The following AGBL4 variants were observed in gnomAD, a reference collection of about 807,000 sequenced individuals.
AGBL4 encodes the protein cytosolic carboxypeptidase 6.
In AGBL4, 58 loss-of-function variants were observed where a neutral mutation model predicts 66.4. The ratio of observed to expected loss-of-function variants is 0.87; its 90% confidence interval spans 0.71 to 1.09. AGBL4 has a LOEUF of 1.09. Ranked by LOEUF, AGBL4 falls within the 50% of genes least tolerant of loss-of-function variation. The pLI, the probability that AGBL4 is intolerant of heterozygous loss-of-function variation, is 0.00. For missense variants in AGBL4, 579 were observed against 631.0 expected (o/e 0.92, Z 0.88); for synonymous variants, 234 against 222.9 (o/e 1.05, Z -0.44).
At chr1:49,655,644 T>A (rs1051061092) in intron 3 of AGBL4, among the ~76,000 whole-genome samples, 55 of 152,000 alleles carry the variant, frequency 3.6e-4, no homozygotes, top group African/African-American at 1.2e-3. Flanking sequence ...ATTAAAAGAA[T>A]TAGAAAAGCA....
chr1:48,777,007 G>A (rs1036514544), intron 6 of AGBL4: 7 of 321,626 alleles, frequency 2.2e-5, no homozygotes. Context: ...TCTGCCAATC[G>A]GCTGCTTTCG....
intron 3 of AGBL4, among the ~76,000 whole-genome samples, chr1:49,603,929 TACACACACACACACACACAC>T (rs60862640): frequency 1.4e-4 from 20 of 140,630 alleles, no homozygotes; most frequent in Admixed American, 3.6e-4. Context: ...TTCCATGGTA[TACACACACACACACACACAC>T]ACACACACAC....
At chr1:48,669,407 G>C (rs976858976) in intron 6 of AGBL4, among the ~76,000 whole-genome samples, 4 of 152,114 alleles carry the variant, frequency 2.6e-5, no homozygotes, top group Non-Finnish European at 2.9e-5. Flanking sequence ...GTGCATTGTA[G>C]GATGCCCAGC....
At chr1:49,764,198 G>C (rs1652559969) in intron 2 of AGBL4, among the ~76,000 whole-genome samples, 2 of 152,066 alleles carry the variant, frequency 1.3e-5, no homozygotes. Context: ...GACAAGGCTG[G>C]GCACCTTTAC....
At chr1:49,763,004 ATTATAG>A (rs1001024706) in intron 2 of AGBL4, among the ~76,000 whole-genome samples, 13 of 152,270 alleles carry the variant, frequency 8.5e-5, no homozygotes, top group Admixed American at 7.8e-4. Context: ...GTACTTTCAT[ATTATAG>A]TTTCAAGTTT....
At chr1:49,823,388 C>T (rs1323803010) in intron 2 of AGBL4, among the ~76,000 whole-genome samples, 1 of 152,168 alleles carries the variant, frequency 6.6e-6, no homozygotes, top group African/African-American at 2.4e-5. Flanking sequence ...ATGGGCCCAA[C>T]TGAGCTGGTA....
At position 49,530,269 on chromosome 1, in the gene AGBL4, AAAAC is replaced by A. The variant is rs919078202; in HGVS notation, c.282+167040_282+167043del. On this transcript the variant is annotated intron_variant, in intron 3 of 13. Coordinates refer to ENST00000371839, the MANE Select transcript of AGBL4 (RefSeq NM_032785.4). ...TTCAAGTAGAATTTGTAAAAAAAAA[AAAAC>A]AAAAAAAAACTCTATGAGTTTTTTT... Among the ~76,000 whole-genome samples the A allele has an allele frequency of 1.7e-4, 25 of 143,022 alleles. 5 individuals are homozygous for A. The highest frequency in any genetic ancestry group is 4.0e-4 in the African/African-American group (15 of 37,770). 93.8% of individuals were successfully genotyped at this position (143,022 alleles called of 152,430 possible).
In AGBL4 at chr1:49,134,287, T is replaced by G. The variant is rs1645960703; in HGVS notation, c.378-88487A>C. Among the ~76,000 whole-genome samples the G allele has an allele frequency of 2.0e-5, 3 of 152,118 alleles. No homozygotes were observed. In the South Asian group the frequency reaches 6.2e-4, roughly 32 times the overall value. ...TTACTAATGAAGTTCCATGTACCAC[T>G]GTGCACACATTGTCATTGATAAACA... On this transcript the variant is annotated intron_variant, in intron 4 of 13. Transcript: ENST00000371839.
intron 2 of AGBL4, among the ~76,000 whole-genome samples, chr1:49,727,370 T>C (rs1217260670): frequency 6.6e-6 from 1 of 152,058 alleles, no homozygotes; most frequent in African/African-American, 2.4e-5. Flanking sequence ...TGCATAACAA[T>C]AGCAATTAAT....
chr1:49,397,465 C>T (rs1310449093), intron 3 of AGBL4, among the ~76,000 whole-genome samples: 1 of 152,126 alleles, frequency 6.6e-6, no homozygotes, highest in South Asian at 2.1e-4. Context: ...AGTCAGACCC[C>T]TATAACTTGC....
intron 6 of AGBL4, among the ~76,000 whole-genome samples, chr1:48,815,156 T>G (rs1200656291): frequency 6.6e-6 from 1 of 152,210 alleles, no homozygotes. Context: ...TTAATGACAT[T>G]CAGCATTTTC....
chr1:48,872,590 A>G (rs1285017925), intron 5 of AGBL4, among the ~76,000 whole-genome samples: 3 of 152,162 alleles, frequency 2.0e-5, no homozygotes, highest in Non-Finnish European at 2.9e-5. Context: ...TATTCAACTT[A>G]GAAGATACTC....
At chr1:49,101,872 G>A (rs779023125) in intron 4 of AGBL4, among the ~76,000 whole-genome samples, 17 of 152,116 alleles carry the variant, frequency 1.1e-4, no homozygotes, top group African/African-American at 3.1e-4. Flanking sequence ...ATGTTCCCCC[G>A]TGAGAGGACA....
At chr1:49,836,079 T>C (rs1487710802) in intron 2 of AGBL4, among the ~76,000 whole-genome samples, 4 of 152,040 alleles carry the variant, frequency 2.6e-5, no homozygotes, top group Non-Finnish European at 5.9e-5. Context: ...TCTCGAGGGG[T>C]ATCTTTGTGG....
rs1557923206 is a variant in AGBL4, at chr1:48,736,399, T to C, written c.635-73158A>G. ...TGTACTTGGAATCTCCTTGGGTTAC[T>C]TGTAGCTGGTGCCATTTCTCCTCAT... On this transcript the variant is annotated intron_variant, in intron 6 of 13. Transcript: ENST00000371839. The surrounding 1 kb of genome is among the most constrained non-coding windows in gnomAD (Gnocchi z 4.0). 9 of 1,614,196 alleles carry C rather than the reference T, an allele frequency of 5.6e-6. No homozygotes were observed. The highest frequency in any genetic ancestry group is 7.6e-6 in the Non-Finnish European group (9 of 1,180,042).
In AGBL4 at chr1:49,283,713, G is replaced by A. The variant is rs544476070; in HGVS notation, c.283-37849C>T. 1.5e-4 allele frequency among the ~76,000 whole-genome samples: 23 copies of A among 150,744 alleles called. 1 individual carries two copies. Among genetic ancestry groups the A allele is most frequent in the South Asian group, 6.4e-4 (3 of 4,688 alleles). ...CTGAAAACCAAGGCTCAAGAACTACGTGAAGAATGCAGAAGCCTCAGGAGC... is the reference window on the plus strand; with the variant it reads ...CTGAAAACCAAGGCTCAAGAACTACATGAAGAATGCAGAAGCCTCAGGAGC... On this transcript the variant is annotated intron_variant, in intron 3 of 13. Transcript: ENST00000371839.
Position 48,846,421 on chromosome 1 carries a change from G to GAAAGAAAGAAAGAAAGAAAT in AGBL4, c.634+20769_634+20770insATTTCTTTCTTTCTTTCTTT, listed in dbSNP as rs796582660. Among the ~76,000 whole-genome samples, 3 of 144,602 alleles carry GAAAGAAAGAAAGAAAGAAAT rather than the reference G, an allele frequency of 2.1e-5. 1 individual carries two copies. Among genetic ancestry groups the GAAAGAAAGAAAGAAAGAAAT allele is most frequent in the African/African-American group, 7.9e-5 (3 of 38,104 alleles). 94.9% of individuals were successfully genotyped at this position (144,602 alleles called of 152,430 possible). ...AGAAAGAAAGAAAGAAAGAAAGAAAGAAATTCATTTATAGTAGGCAAAATA... is the reference window on the plus strand; with the variant it reads ...AGAAAGAAAGAAAGAAAGAAAGAAAGAAAGAAAGAAAGAAAGAAATAAATTCATTTATAGTAGGCAAAATA... On this transcript the variant is annotated intron_variant, in intron 6 of 13. Transcript: ENST00000371839.
At chr1:48,585,259 A>G (rs1319651694) in intron 11 of AGBL4, 1 of 152,154 alleles carries the variant, frequency 6.6e-6, no homozygotes, top group African/African-American at 2.4e-5. Context: ...AAAAACAACA[A>G]ACTAAGGGCA....
At chr1:49,756,007 G>A (rs757059297) in intron 2 of AGBL4, among the ~76,000 whole-genome samples, 1 of 151,906 alleles carries the variant, frequency 6.6e-6, no homozygotes, top group Non-Finnish European at 1.5e-5. Flanking sequence ...CCAGACTCAC[G>A]CCAAAATTTA....
Sources: gnomAD v4.1 joint callset for allele counts (sites outside exome capture counted in the v4.1 genomes callset) on GRCh38, gnomAD v4.1.1 for gene constraint, Gnocchi (gnomAD v3.1) non-coding constraint, MANE v1.5 for transcripts, NCBI Gene and HGNC (gene_info 2026-07-23, HGNC 2026-07-21) for gene names.